The following PALLD variants were observed in gnomAD, a reference collection of about 807,000 sequenced individuals.
PALLD encodes the protein palladin.
PALLD carries 61 observed loss-of-function variants against 123.5 expected under a neutral mutation model. That is an observed-to-expected ratio of 0.49 (90% CI 0.40 to 0.61). The LOEUF is 0.61. Among genes scored for constraint, PALLD ranks in the 20% least tolerant of loss-of-function variants. The pLI, the probability that PALLD is intolerant of heterozygous loss-of-function variation, is 0.00. For missense variants in PALLD, 1,273 were observed against 1,377.0 expected (o/e 0.92, Z 1.20); for synonymous variants, 465 against 496.4 (o/e 0.94, Z 0.84).
chr4:168,695,338 C>T (rs76488878), intron 8 of PALLD, among the ~76,000 whole-genome samples: 2,356 of 152,242 alleles, frequency 0.015, 57 homozygotes, highest in African/African-American at 0.049. Context: ...TAGGTTAGGA[C>T]GGTGGGTTGA....
At position 168,511,738 on chromosome 4, in the gene PALLD, T is replaced by A. The variant is rs1762548265; in HGVS notation, c.234T>A (p.His78Gln). Residue 78 changes from histidine to glutamine, a missense_variant, in exon 2 of 22, where the codon CAT becomes CAA. This residue lies in a region of PALLD where 944 missense variants were observed against 954.5 expected (regional missense o/e 0.99). Coordinates refer to ENST00000505667, the MANE Select transcript of PALLD (RefSeq NM_001166108.2). The part of the protein sequence containing the change: ...FSTSPASLCE[H>Q]PSHKETKLGE... The stretch of plus-strand genomic sequence containing the variant: ...CTTCTCCTGCAAGCCTCTGTGAACA[T>A]CCTTCCCATAAGGAGACCAAATTGG... 2 of 1,614,006 alleles carry A rather than the reference T, an allele frequency of 1.2e-6. No homozygotes were observed. Among genetic ancestry groups the A allele is most frequent in the South Asian group, 1.1e-5 (1 of 91,078 alleles).
chr4:168,753,334 C>T (rs78013641), intron 10 of PALLD, among the ~76,000 whole-genome samples: 1,947 of 152,084 alleles, frequency 0.013, 40 homozygotes, highest in African/African-American at 0.044. Context: ...ACCTTCTTCC[C>T]TCCCTCCTTC....
At chr4:168,890,563 C>T (rs1420825934) in intron 10 of PALLD, among the ~76,000 whole-genome samples, 1 of 152,084 alleles carries the variant, frequency 6.6e-6, no homozygotes, top group Non-Finnish European at 1.5e-5. Flanking sequence ...AGGTCACAAA[C>T]TTAATACGAG....
At chr4:168,602,833 A>G (rs902256844) in intron 2 of PALLD, among the ~76,000 whole-genome samples, 2 of 151,958 alleles carry the variant, frequency 1.3e-5, no homozygotes, top group African/African-American at 4.8e-5. Context: ...TGGCATGATC[A>G]TGGCTCACTG....
chr4:168,639,041 C>G (rs1319129265), intron 2 of PALLD, among the ~76,000 whole-genome samples: 1 of 152,190 alleles, frequency 6.6e-6, no homozygotes, highest in Non-Finnish European at 1.5e-5. Context: ...TCTTGTACCT[C>G]TCCCCAGTTT....
intron 2 of PALLD, among the ~76,000 whole-genome samples, chr4:168,662,043 T>G (rs767386991): frequency 2.0e-5 from 3 of 152,204 alleles, no homozygotes; most frequent in Admixed American, 6.5e-5. Context: ...AATTATGAGA[T>G]CATAATTACA....
At chr4:168,778,188 A>T (rs1735436874) in intron 10 of PALLD, among the ~76,000 whole-genome samples, 1 of 152,104 alleles carries the variant, frequency 6.6e-6, no homozygotes, top group Admixed American at 6.5e-5. Flanking sequence ...TTCCAGCCTC[A>T]ACTTTTGAAA....
intron 2 of PALLD, among the ~76,000 whole-genome samples, chr4:168,640,751 C>T (rs1776859052): frequency 6.6e-6 from 1 of 152,240 alleles, no homozygotes; most frequent in Admixed American, 6.5e-5. Context: ...CCCCAGTTTA[C>T]AGATGAAGAA....
intron 15 of PALLD, among the ~76,000 whole-genome samples, chr4:168,907,996 G>A (rs964660000): frequency 4.6e-5 from 7 of 152,126 alleles, no homozygotes; most frequent in African/African-American, 1.7e-4. Flanking sequence ...AATAACCCAA[G>A]ACAGGCAAAA....
intron 10 of PALLD, among the ~76,000 whole-genome samples, chr4:168,775,678 A>C (rs904485026): frequency 2.0e-5 from 3 of 152,174 alleles, no homozygotes; most frequent in Non-Finnish European, 4.4e-5. Flanking sequence ...TTATATGTTT[A>C]GACCTATGAT....
At chr4:168,826,786 A>G (rs1404079908) in intron 10 of PALLD, among the ~76,000 whole-genome samples, 2 of 152,200 alleles carry the variant, frequency 1.3e-5, no homozygotes, top group African/African-American at 4.8e-5. Flanking sequence ...AGTCCAGGGT[A>G]AATACCTTAA....
At chr4:168,642,382 T>A (rs934090283) in intron 2 of PALLD, among the ~76,000 whole-genome samples, 1 of 152,084 alleles carries the variant, frequency 6.6e-6, no homozygotes, top group Admixed American at 6.6e-5. Context: ...ATCTTCTTTT[T>A]TATTTTTATT....
At chr4:168,793,713 G>A (rs558811868) in intron 10 of PALLD, among the ~76,000 whole-genome samples, 214 of 152,208 alleles carry the variant, frequency 1.4e-3, no homozygotes, top group African/African-American at 4.7e-3. Flanking sequence ...ATAAAGATAC[G>A]CACAGGAAGA....
chr4:168,624,929 A>T (rs1001734262), intron 2 of PALLD, among the ~76,000 whole-genome samples: 1 of 152,118 alleles, frequency 6.6e-6, no homozygotes, highest in African/African-American at 2.4e-5. Flanking sequence ...AGATAGAAAG[A>T]TCTACCTTTT....
At chr4:168,686,042 A>G (rs1035553975) in intron 6 of PALLD, among the ~76,000 whole-genome samples, 4 of 151,786 alleles carry the variant, frequency 2.6e-5, no homozygotes, top group Admixed American at 6.6e-5. Context: ...TTTTTTAGAG[A>G]AAATTATAAA....
intron 2 of PALLD, among the ~76,000 whole-genome samples, chr4:168,651,487 G>A (rs1335608187): frequency 1.3e-5 from 2 of 152,102 alleles, no homozygotes; most frequent in African/African-American, 2.4e-5. Flanking sequence ...CACCCTAGAA[G>A]TGTGAACAGT....
chr4:168,633,090 C>A (rs1775996570), intron 2 of PALLD, among the ~76,000 whole-genome samples: 1 of 152,158 alleles, frequency 6.6e-6, no homozygotes, highest in Admixed American at 6.5e-5. Flanking sequence ...AAGTTGAATT[C>A]CTGTCCACAT....
chr4:168,730,890 G>T (rs1787105556), intron 10 of PALLD, among the ~76,000 whole-genome samples: 1 of 152,202 alleles, frequency 6.6e-6, no homozygotes, highest in African/African-American at 2.4e-5. Context: ...TGCTGTGCCA[G>T]ATGTTTCCGA....
intron 10 of PALLD, among the ~76,000 whole-genome samples, chr4:168,851,428 C>T (rs1259896547): frequency 3.3e-5 from 5 of 151,344 alleles, no homozygotes; most frequent in Admixed American, 6.6e-5. Context: ...AGTGCAATGG[C>T]GCAATCTCGG....
Sources: allele counts gnomAD v4.1 joint callset (sites outside exome capture counted in the v4.1 genomes callset), GRCh38; gene constraint gnomAD v4.1.1; regional missense constraint gnomAD v4.1.1; transcripts MANE v1.5; gene names NCBI Gene and HGNC (gene_info 2026-07-23, HGNC 2026-07-21).